The following HCN1 variants were observed in gnomAD, a reference collection of about 807,000 sequenced individuals.
HCN1 encodes the protein hyperpolarization activated cyclic nucleotide gated potassium channel 1, also known as potassium/sodium hyperpolarization-activated cyclic nucleotide-gated channel 1.
A neutral mutation model predicts 78.9 loss-of-function variants in HCN1; 13 were observed. That is an observed-to-expected ratio of 0.16 (90% CI 0.11 to 0.26). HCN1 has a LOEUF of 0.26. Among genes scored for constraint, HCN1 ranks in the 10% least tolerant of loss-of-function variants. The pLI is 1.00. For synonymous variants in HCN1, 552 were observed against 455.5 expected (o/e 1.21, Z -2.70); for missense variants, 810 against 1,154.3 (o/e 0.70, Z 4.32).
chr5:45,371,424 T>G (rs1747355241), intron 4 of HCN1, among the ~76,000 whole-genome samples: 1 of 151,516 alleles, frequency 6.6e-6, no homozygotes, highest in Non-Finnish European at 1.5e-5. Flanking sequence ...AAATAAAAAT[T>G]CAACAATGAC....
chr5:45,307,326 C>G (rs1476387523), intron 5 of HCN1, among the ~76,000 whole-genome samples: 1 of 152,008 alleles, frequency 6.6e-6, no homozygotes, highest in South Asian at 2.1e-4. Flanking sequence ...GAATAATTAC[C>G]AAACCCTTAA....
At chr5:45,342,620 T>A (rs763906155) in intron 5 of HCN1, among the ~76,000 whole-genome samples, 6 of 152,176 alleles carry the variant, frequency 3.9e-5, no homozygotes, top group Non-Finnish European at 8.8e-5. Context: ...CTAATTTGAT[T>A]GAGAAATTTG....
chr5:45,463,433 T>C (rs551653495), intron 2 of HCN1, among the ~76,000 whole-genome samples: 1 of 152,150 alleles, frequency 6.6e-6, no homozygotes, highest in Admixed American at 6.6e-5. Flanking sequence ...CTGTTCTGAA[T>C]TCTTTTTAAA....
chr5:45,271,336 G>A (rs1744955078), intron 6 of HCN1, among the ~76,000 whole-genome samples: 1 of 149,444 alleles, frequency 6.7e-6, no homozygotes, highest in Non-Finnish European at 1.5e-5. Context: ...CAGCAGTAAT[G>A]TCTGGTTTCC....
intron 2 of HCN1, among the ~76,000 whole-genome samples, chr5:45,625,830 A>G (rs1420228207): frequency 6.6e-6 from 1 of 152,190 alleles, no homozygotes; most frequent in Admixed American, 6.5e-5. Flanking sequence ...AAAAAAAAAA[A>G]ATTCATTGTC....
intron 2 of HCN1, among the ~76,000 whole-genome samples, chr5:45,527,504 T>C (rs990201243): frequency 1.1e-4 from 16 of 151,608 alleles, no homozygotes; most frequent in Admixed American, 3.9e-4. Context: ...AATCTTTCCT[T>C]TCCTTCCTTC....
At chr5:45,560,800 TA>T (rs1743582600) in intron 2 of HCN1, among the ~76,000 whole-genome samples, 1 of 152,106 alleles carries the variant, frequency 6.6e-6, no homozygotes, top group Non-Finnish European at 1.5e-5. Context: ...AACACAGTCA[TA>T]TTGCTTTTAG....
intron 1 of HCN1, among the ~76,000 whole-genome samples, chr5:45,689,321 C>T (rs1336452418): frequency 1.3e-5 from 2 of 151,966 alleles, no homozygotes; most frequent in African/African-American, 4.8e-5. Context: ...AATGAAGCCT[C>T]TAAGAAAGTT....
At chr5:45,327,369 G>T (rs1474646361) in intron 5 of HCN1, among the ~76,000 whole-genome samples, 2 of 151,404 alleles carry the variant, frequency 1.3e-5, no homozygotes, top group African/African-American at 4.8e-5. Flanking sequence ...TGGAGAATTT[G>T]GTAAAAACTT....
chr5:45,626,632 G>A (rs1745168468), intron 2 of HCN1, among the ~76,000 whole-genome samples: 1 of 152,074 alleles, frequency 6.6e-6, no homozygotes, highest in East Asian at 1.9e-4. Context: ...GGGAGGCAGA[G>A]AAAACAACCA....
chr5:45,519,046 G>A (rs137887457), intron 2 of HCN1, among the ~76,000 whole-genome samples: 45 of 151,798 alleles, frequency 3.0e-4, no homozygotes, highest in African/African-American at 1.1e-3. Flanking sequence ...GTAGCTGATT[G>A]CCAGAACAAA....
chr5:45,682,448 T>A (rs1038757466), intron 1 of HCN1, among the ~76,000 whole-genome samples: 2 of 151,744 alleles, frequency 1.3e-5, no homozygotes, highest in African/African-American at 4.8e-5. Flanking sequence ...ATGTCCACAC[T>A]AAATTATTGT....
intron 4 of HCN1, among the ~76,000 whole-genome samples, chr5:45,393,896 G>A (rs528894033): frequency 2.0e-5 from 3 of 152,208 alleles, no homozygotes; most frequent in Non-Finnish European, 2.9e-5. Flanking sequence ...GTGATCTGAG[G>A]ATCATAACTC....
intron 2 of HCN1, among the ~76,000 whole-genome samples, chr5:45,493,188 C>G (rs571825605): frequency 2.0e-5 from 3 of 151,982 alleles, no homozygotes; most frequent in Admixed American, 6.6e-5. Flanking sequence ...GGATTTTTAA[C>G]TATTTATTTA....
In HCN1 at chr5:45,353,193, A is replaced by C; in HGVS notation, c.1284T>G (p.Arg428=). 1 of 1,608,876 alleles carries C rather than the reference A, an allele frequency of 6.2e-7. No homozygotes were observed. ...MSFHKLPADM[R]QKIHDYYEHR... The stretch of plus-strand genomic sequence containing the variant: ...GTTCATAGTAATCATGTATCTTCTG[A>C]CGCATATCAGCTGGTAACTTATGGA... The change falls in exon 5 of 8, where the codon CGT becomes CGG. Residue 428 remains arginine, a synonymous_variant. Coordinates refer to ENST00000303230, the MANE Select transcript of HCN1 (RefSeq NM_021072.4).
intron 5 of HCN1, among the ~76,000 whole-genome samples, chr5:45,339,886 G>A (rs142484626): frequency 1.7e-4 from 26 of 152,150 alleles, no homozygotes; most frequent in African/African-American, 6.0e-4. Context: ...ATTATGGTGT[G>A]GCAGGAGGAA....
intron 4 of HCN1, among the ~76,000 whole-genome samples, chr5:45,394,256 AG>A (rs1312018306): frequency 1.3e-5 from 2 of 152,128 alleles, no homozygotes; most frequent in Admixed American, 6.6e-5. Context: ...TTGGAAGAGA[AG>A]GAAGAGGAGT....
Position 45,257,493 on chromosome 5 carries a change from A to T in HCN1, c.*4428T>A, listed in dbSNP as rs1170344606. The stretch of plus-strand genomic sequence containing the variant: ...AGCATTATCTGTAGGTTCTTTTAAG[A>T]TCATCTTTAAATAATTTTCAAGGTG... On this transcript the variant is annotated 3_prime_UTR_variant, in exon 8 of 8. Transcript: ENST00000303230. 2.0e-5 allele frequency: 3 copies of T among 152,166 alleles called. No individual in the cohort carries two copies. Among genetic ancestry groups the T allele is most frequent in the Non-Finnish European group, 4.4e-5 (3 of 68,044 alleles). The allele number at this position is 152,166 out of a possible 1,614,324, so 9.4% of individuals were successfully genotyped here. A position where few individuals can be genotyped will look rare whatever the true frequency, so the allele number is the denominator to read the frequency against.
At chr5:45,275,511 T>C (rs1345672349) in intron 6 of HCN1, among the ~76,000 whole-genome samples, 2 of 152,186 alleles carry the variant, frequency 1.3e-5, no homozygotes, top group Non-Finnish European at 2.9e-5. Flanking sequence ...GTTTACACTT[T>C]CTACTCCTTA....
Sources: gnomAD v4.1 joint callset for allele counts (sites outside exome capture counted in the v4.1 genomes callset) on GRCh38, gnomAD v4.1.1 for gene constraint, MANE v1.5 for transcripts, NCBI Gene and HGNC (gene_info 2026-07-23, HGNC 2026-07-21) for gene names.